SYT12: variants seen among roughly 807,000 people sequenced by gnomAD.
SYT12 encodes synaptotagmin-12.
SYT12 carries 27 observed loss-of-function variants against 39.5 expected under a neutral mutation model. The ratio of observed to expected loss-of-function variants is 0.68; its 90% CI spans 0.50 to 0.94. SYT12 has a LOEUF of 0.94. Ranked by LOEUF, SYT12 falls within the 40% of genes least tolerant of loss-of-function variation. The pLI, the probability that SYT12 is intolerant of heterozygous loss-of-function variation, is 0.00. For missense variants in SYT12, 536 were observed against 572.6 expected (o/e 0.94, Z 0.65); for synonymous variants, 233 against 239.7 (o/e 0.97, Z 0.26).
chr11:67,020,392 G>A (rs1381278778), upstream of SYT12, among the ~76,000 whole-genome samples: 1 of 152,162 alleles, frequency 6.6e-6, no homozygotes, highest in Non-Finnish European at 1.5e-5. Flanking sequence ...AAAGGAGTTT[G>A]GCTTCCATTT....
intron 3 of SYT12, among the ~76,000 whole-genome samples, chr11:67,012,012 C>T (rs1283308828): frequency 6.6e-6 from 1 of 151,390 alleles, no homozygotes; most frequent in Non-Finnish European, 1.5e-5. Context: ...ATCCACCCAC[C>T]TCGGCCTCCC....
upstream of SYT12, among the ~76,000 whole-genome samples, chr11:67,019,663 G>A (rs1950088634): frequency 6.6e-6 from 1 of 152,060 alleles, no homozygotes; most frequent in Non-Finnish European, 1.5e-5. Flanking sequence ...TTGGGAGGCC[G>A]AGGAGGGGGG....
At chr11:67,008,506 G>C (rs1949988539) in intron 1 of SYT12, among the ~76,000 whole-genome samples, 1 of 151,558 alleles carries the variant, frequency 6.6e-6, no homozygotes, top group Non-Finnish European at 1.5e-5. Flanking sequence ...CTCCCACCTT[G>C]GCCTCCAGAG....
chr11:67,042,819 G>T (rs2136229092), intron 4 of SYT12, among the ~76,000 whole-genome samples: 1 of 152,148 alleles, frequency 6.6e-6, no homozygotes, highest in East Asian at 1.9e-4. Flanking sequence ...TGAGCACTGT[G>T]CGAGGAGCCT....
upstream of SYT12, among the ~76,000 whole-genome samples, chr11:67,018,824 A>G (rs1330344996): frequency 6.6e-6 from 1 of 150,386 alleles, no homozygotes; most frequent in African/African-American, 2.4e-5. Flanking sequence ...CTCCGTCTCA[A>G]AAAAAAAAAG....
intron 3 of SYT12, among the ~76,000 whole-genome samples, chr11:67,035,837 C>CCTTCCTTCCTTT (rs1412426648): frequency 6.1e-4 from 68 of 111,120 alleles, no homozygotes; most frequent in African/African-American, 1.8e-3. Flanking sequence ...TTCCTTCCTT[C>CCTTCCTTCCTTT]CTTTCTTTCT....
chr11:67,044,792 G>A lies in SYT12; in HGVS notation c.958+79G>A, dbSNP rs542447431. ...CCCAGCTGCTGTGCTGTGGGCACCC[G>A]GAGGCATCGGCAGGTGTGGGACACA... On this transcript the variant is annotated intron_variant, in intron 6 of 7. Coordinates refer to ENST00000527043, the MANE Select transcript of SYT12 (RefSeq NM_177963.4). 839 of 1,581,366 alleles carry A rather than the reference G, an allele frequency of 5.3e-4. 2 individuals are homozygous for A. The highest frequency in any genetic ancestry group is 2.0e-3 in the Middle Eastern group (12 of 5,940).
intron 3 of SYT12, among the ~76,000 whole-genome samples, chr11:67,012,577 A>C (rs2136193691): frequency 6.6e-6 from 1 of 152,282 alleles, no homozygotes; most frequent in South Asian, 2.1e-4. Flanking sequence ...ATTGGCCCTC[A>C]GACCAGCATC....
intron 1 of SYT12, among the ~76,000 whole-genome samples, chr11:67,007,908 C>T (rs570136924): frequency 6.6e-6 from 1 of 151,252 alleles, no homozygotes; most frequent in African/African-American, 2.4e-5. Context: ...TTTTCCTTTT[C>T]ATTTTTGACA....
At chr11:67,048,285 A>AAT (rs1278313553) in intron 7 of SYT12, among the ~76,000 whole-genome samples, 2 of 149,086 alleles carry the variant, frequency 1.3e-5, no homozygotes, top group Admixed American at 6.6e-5. Context: ...AAAAAAAAAA[A>AAT]GGATCAGGGG....
At chr11:67,026,071 A>G (rs1397686335) in intron 1 of SYT12, among the ~76,000 whole-genome samples, 1 of 151,840 alleles carries the variant, frequency 6.6e-6, no homozygotes, top group Non-Finnish European at 1.5e-5. Context: ...AAATAAATTA[A>G]TTAAAAAAAA....
At chr11:67,034,937 C>T (rs1218686601) in intron 3 of SYT12, 99 bp downstream of exon 3, 1 of 915,506 alleles carries the variant, frequency 1.1e-6, no homozygotes, top group Admixed American at 3.4e-5. Flanking sequence ...GTCACCACCT[C>T]CTCCTGGTTA....
At position 67,034,701 on chromosome 11, in the gene SYT12, C is replaced by G; in HGVS notation, c.91C>G (p.Leu31Val). 1 of 1,603,584 alleles carries G rather than the reference C, an allele frequency of 6.2e-7. No individual in the cohort carries two copies. The highest frequency in any genetic ancestry group is 1.3e-5 in the African/African-American group (1 of 74,332). The part of the protein sequence containing the change: ...VGVYAAGALA[L>V]LGIAAVSLWK... ...TGTCTATGCTGCAGGGGCCCTGGCC[C>G]TGCTGGGAATCGCAGCTGTGAGCCT... Residue 31 changes from leucine (L) to valine (V), a missense_variant, in exon 3 of 8, where the codon CTG (leucine) becomes GTG (valine). Transcript: ENST00000527043.
intron 1 of SYT12, 52 bp from the exon 2 acceptor site, chr11:67,030,070 C>T (rs965680565): frequency 3.1e-5 from 48 of 1,568,690 alleles, no homozygotes; most frequent in South Asian, 5.6e-5. Context: ...GACCTAGGAG[C>T]GGGACGCTGA....
intron 3 of SYT12, 56 bp downstream of exon 3, chr11:67,034,894 C>T (rs1950330195): frequency 1.5e-6 from 2 of 1,370,936 alleles, no homozygotes; most frequent in Non-Finnish European, 1.9e-6. Context: ...CCCCTACCAT[C>T]CACTCAGATC....
chr11:67,019,896 CA>C (rs71461631), upstream of SYT12, among the ~76,000 whole-genome samples: 7,203 of 116,604 alleles, frequency 0.062, 176 homozygotes, highest in African/African-American at 0.07. Context: ...GACCCTGTCT[CA>C]AAAAAAAAAA....
chr11:67,048,480 C>T (rs1854636961), intron 7 of SYT12, 104 bp from the exon 8 acceptor site: 1 of 1,276,542 alleles, frequency 7.8e-7, no homozygotes, highest in Non-Finnish European at 1.1e-6. Context: ...GGGAGCTGTG[C>T]CTGGCACCCC....
chr11:67,045,912 C>T, intron 7 of SYT12, 35 bp downstream of exon 7: 1 of 1,612,176 alleles, frequency 6.2e-7, no homozygotes, highest in Non-Finnish European at 8.5e-7. Flanking sequence ...GGGGCCAGGT[C>T]ACCCCAGGGC....
At chr11:67,017,760 G>GA (rs772475405) in intron 3 of SYT12, among the ~76,000 whole-genome samples, 1 of 148,864 alleles carries the variant, frequency 6.7e-6, no homozygotes. Flanking sequence ...AGGAGTTCGA[G>GA]ACCAGCCTGG....
Sources: gnomAD v4.1 joint callset for allele counts (sites outside exome capture counted in the v4.1 genomes callset) on GRCh38, gnomAD v4.1.1 for gene constraint, MANE v1.5 for transcripts, NCBI Gene and HGNC (gene_info 2026-07-23, HGNC 2026-07-21) for gene names.